Variants in PRKAG2 observed in about 807,000 individuals in gnomAD.
PRKAG2 encodes the protein protein kinase AMP-activated non-catalytic subunit gamma 2.
PRKAG2 carries 26 observed loss-of-function variants against 69.6 expected under a neutral mutation model. That is an observed-to-expected ratio of 0.37 (90% CI 0.27 to 0.52). PRKAG2 has a LOEUF of 0.52. Ranked by LOEUF, PRKAG2 falls within the 20% of genes least tolerant of loss-of-function variation. The pLI is 0.90. For synonymous variants in PRKAG2, 293 were observed against 285.0 expected (o/e 1.03, Z -0.28); for missense variants, 557 against 740.0 (o/e 0.75, Z 2.87).
At chr7:151,865,986 C>T (rs2080065342) in intron 1 of PRKAG2, among the ~76,000 whole-genome samples, 1 of 145,634 alleles carries the variant, frequency 6.9e-6, no homozygotes, top group African/African-American at 2.6e-5. Flanking sequence ...CACCACTGCA[C>T]TCCAGCTTGG....
rs939168864 is a variant in PRKAG2 at position 151,788,745 on chromosome 7, G to A, written c.115-2204C>T. On this transcript the variant is annotated intron_variant, in intron 1 of 15. Transcript: ENST00000287878. This position sits in a 1 kb window ranked among gnomAD's most constrained non-coding sequence, Gnocchi z 4.6. ...AATTCAGTGTCATGAAGCTTTTCCC[G>A]TATGTTTTCTTCTAAGAGTTTTATA... is the stretch of plus-strand genomic sequence containing the variant. Among the ~76,000 whole-genome samples, 3 of 152,126 alleles carry A rather than the reference G, an allele frequency of 2.0e-5. No homozygotes were observed. The highest frequency in any genetic ancestry group is 1.9e-4 in the East Asian group (1 of 5,202).
chr7:151,695,266 C>A (rs1180498492), intron 3 of PRKAG2, among the ~76,000 whole-genome samples: 1 of 152,228 alleles, frequency 6.6e-6, no homozygotes, highest in Non-Finnish European at 1.5e-5. Flanking sequence ...CCTGTTTCCT[C>A]TTATGTGACC....
chr7:151,719,385 C>T lies in PRKAG2; in HGVS notation c.467-43748G>A, dbSNP rs1330308347. 6.6e-6 allele frequency among the ~76,000 whole-genome samples: 1 copy of T among 152,098 alleles called. No homozygotes were observed. The highest frequency in any genetic ancestry group is 2.4e-5 in the African/African-American group (1 of 41,430). On this transcript the variant is annotated intron_variant, in intron 3 of 15. Transcript: ENST00000287878. The surrounding 1 kb of genome is among the most constrained non-coding windows in gnomAD (Gnocchi z 5.2). ...TGGGGGAGCTGGGCTATAACTTCCGCTTCCCCCTTCACACAGAGACCATGC... is the reference window on the plus strand; with the variant it reads ...TGGGGGAGCTGGGCTATAACTTCCGTTTCCCCCTTCACACAGAGACCATGC...
At chr7:151,714,386 C>T (rs895726121) in intron 3 of PRKAG2, among the ~76,000 whole-genome samples, 17 of 149,598 alleles carry the variant, frequency 1.1e-4, no homozygotes, top group African/African-American at 1.5e-4. Flanking sequence ...ATCCGCGCCC[C>T]GCCGTGCCTA....
rs2150957570 is a variant in PRKAG2, at chr7:151,557,156, G to A, written c.*45C>T. ...TTCATGAGGCAAAACGTGACCCAGA[G>A]ACTTTGTTCAAGTTCTCCTCCTAGG... On this transcript the variant is annotated 3_prime_UTR_variant, in exon 16 of 16. Coordinates refer to ENST00000287878, the MANE Select transcript of PRKAG2 (RefSeq NM_016203.4). 1 of 1,614,036 alleles carries A rather than the reference G, an allele frequency of 6.2e-7. No individual in the cohort carries two copies. The highest frequency in any genetic ancestry group is 8.5e-7 in the Non-Finnish European group (1 of 1,179,958).
At chr7:151,870,783 GCTT>G (rs2080202900) in intron 1 of PRKAG2, among the ~76,000 whole-genome samples, 1 of 152,256 alleles carries the variant, frequency 6.6e-6, no homozygotes, top group African/African-American at 2.4e-5. Context: ...GCAGCGCGGG[GCTT>G]CCCTTGAGGC....
chr7:151,847,187 A>G (rs952798040), intron 1 of PRKAG2, among the ~76,000 whole-genome samples: 1 of 152,210 alleles, frequency 6.6e-6, no homozygotes, highest in African/African-American at 2.4e-5. Flanking sequence ...CCTGATGTCT[A>G]GTGTTATTCT....
chr7:151,561,685 C>A (rs767507391), intron 14 of PRKAG2, among the ~76,000 whole-genome samples: 11 of 152,198 alleles, frequency 7.2e-5, no homozygotes, highest in Admixed American at 5.9e-4. Context: ...GTAATCCCAG[C>A]ACTTTGGGAG....
chr7:151,865,848 T>C (rs906126420), intron 1 of PRKAG2, among the ~76,000 whole-genome samples: 1 of 151,774 alleles, frequency 6.6e-6, no homozygotes, highest in Admixed American at 6.6e-5. Flanking sequence ...TGAAACCCCG[T>C]CTCTATTAAA....
intron 1 of PRKAG2, among the ~76,000 whole-genome samples, chr7:151,789,259 T>G (rs2077158717): frequency 6.6e-6 from 1 of 152,258 alleles, no homozygotes; most frequent in Admixed American, 6.5e-5. Flanking sequence ...CCTGACCTCT[T>G]AACAATATCG....
intron 4 of PRKAG2, among the ~76,000 whole-genome samples, chr7:151,665,099 C>T (rs1278569677): frequency 6.6e-6 from 1 of 152,150 alleles, no homozygotes; most frequent in Non-Finnish European, 1.5e-5. Flanking sequence ...CAGGATGCAC[C>T]CTTCAATGGC....
At chr7:151,876,418 G>C (rs1329364380) in intron 1 of PRKAG2, 89 bp downstream of exon 1, 1 of 1,303,024 alleles carries the variant, frequency 7.7e-7, no homozygotes, top group Non-Finnish European at 1.1e-6. Context: ...CGCACGGCGC[G>C]CGCGGGGCGT....
intron 6 of PRKAG2, among the ~76,000 whole-genome samples, chr7:151,586,167 A>C (rs778746678): frequency 1.3e-5 from 2 of 152,212 alleles, no homozygotes; most frequent in Non-Finnish European, 2.9e-5. Flanking sequence ...CTGAGATTTA[A>C]ATATTAATTG....
chr7:151,728,723 G>A (rs1426804134), intron 3 of PRKAG2, among the ~76,000 whole-genome samples: 2 of 152,124 alleles, frequency 1.3e-5, no homozygotes, highest in Admixed American at 6.5e-5. Flanking sequence ...TCCAGAGGGC[G>A]GCTGCTCCCA....
rs79861807 is a variant in PRKAG2, at chr7:151,754,939, C to T, written c.466+26213G>A. Among the ~76,000 whole-genome samples, 257 of 152,094 alleles carry T rather than the reference C, an allele frequency of 1.7e-3. 1 individual carries two copies. Among genetic ancestry groups the T allele is most frequent in the Non-Finnish European group, 2.7e-3 (186 of 67,988 alleles). On this transcript the variant is annotated intron_variant, in intron 3 of 15. Coordinates refer to ENST00000287878, the MANE Select transcript of PRKAG2 (RefSeq NM_016203.4). Reference sequence around the variant, plus strand: ...ACCTGTGTCTATCTGCAGGAAGGGTCGCTGCAGGCTCTCTGAGAGGCAGGC... The same window carrying T: ...ACCTGTGTCTATCTGCAGGAAGGGTTGCTGCAGGCTCTCTGAGAGGCAGGC...
intron 1 of PRKAG2, among the ~76,000 whole-genome samples, chr7:151,834,571 G>A (rs1391883330): frequency 2.0e-5 from 3 of 152,206 alleles, no homozygotes; most frequent in East Asian, 1.9e-4. Flanking sequence ...AGTCTTCCGG[G>A]CTGAACATCC....
At chr7:151,795,010 G>A (rs931721483) in intron 1 of PRKAG2, among the ~76,000 whole-genome samples, 1 of 152,176 alleles carries the variant, frequency 6.6e-6, no homozygotes, top group Non-Finnish European at 1.5e-5. Context: ...CTGACCTCAG[G>A]GGCTTGTGCT....
intron 1 of PRKAG2, chr7:151,809,283 C>T (rs2078292712): frequency 2.2e-6 from 1 of 456,558 alleles, no homozygotes; most frequent in African/African-American, 2.0e-5. Context: ...CCTTCCCACA[C>T]ACCCCTACCC....
At chr7:151,659,000 G>A (rs1364849536) in intron 4 of PRKAG2, among the ~76,000 whole-genome samples, 1 of 152,218 alleles carries the variant, frequency 6.6e-6, no homozygotes, top group Non-Finnish European at 1.5e-5. Flanking sequence ...GTGTTGAGCT[G>A]CAGGAAGATT....
Sources: gnomAD v4.1 joint callset for allele counts (sites outside exome capture counted in the v4.1 genomes callset) on GRCh38, gnomAD v4.1.1 for gene constraint, Gnocchi (gnomAD v3.1) non-coding constraint, MANE v1.5 for transcripts, NCBI Gene and HGNC (gene_info 2026-07-23, HGNC 2026-07-21) for gene names.